The following DPP10 variants were observed in gnomAD, a reference collection of about 807,000 sequenced individuals.
The protein encoded by DPP10 is inactive dipeptidyl peptidase 10.
DPP10 carries 33 observed loss-of-function variants against 120.9 expected under a neutral mutation model. The observed-to-expected ratio is 0.27, with a 90% CI of 0.21 to 0.37. DPP10 has a LOEUF of 0.37. DPP10 is among the 10% of genes least tolerant of loss of function. The pLI is 1.00. For missense variants in DPP10, 816 were observed against 942.8 expected, an observed-to-expected ratio of 0.87 and a Z score of 1.76; for synonymous variants, 337 against 326.1, an observed-to-expected ratio of 1.03 and a Z score of -0.36.
At chr2:115,401,033 G>T (rs2068036254) in intron 3 of DPP10, among the ~76,000 whole-genome samples, 1 of 152,210 alleles carries the variant, frequency 6.6e-6, no homozygotes, top group African/African-American at 2.4e-5. Flanking sequence ...CAATGGACCA[G>T]CAAGAAAGTT....
chr2:115,596,985 C>T (rs1249528211), intron 5 of DPP10, among the ~76,000 whole-genome samples: 1 of 152,050 alleles, frequency 6.6e-6, no homozygotes, highest in Non-Finnish European at 1.5e-5. Flanking sequence ...AGAGTGGAGC[C>T]CCTTGGTGAA....
rs983640891 is a variant in DPP10 at position 114,456,861 on chromosome 2, T to A, written c.60+14023T>A. Among the ~76,000 whole-genome samples the A allele has an allele frequency of 4.6e-5, 7 of 152,332 alleles. No homozygotes were observed. In the South Asian group the frequency reaches 1.4e-3, roughly 32 times the overall value. On this transcript the variant is annotated intron_variant, in intron 1 of 25. Coordinates refer to ENST00000410059, the MANE Select transcript of DPP10 (RefSeq NM_020868.6). Reference sequence around the variant, plus strand: ...GAAGCCAGCATAAAGTGGGGAAATATAGGAACAAATATCCTATTACAGTGT... The same window carrying A: ...GAAGCCAGCATAAAGTGGGGAAATAAAGGAACAAATATCCTATTACAGTGT...
chr2:114,982,773 G>A (rs1487939468), intron 1 of DPP10, among the ~76,000 whole-genome samples: 2 of 149,788 alleles, frequency 1.3e-5, no homozygotes, highest in African/African-American at 2.5e-5. Flanking sequence ...GCTAATTTTT[G>A]CATTTTTTTT....
intron 4 of DPP10, 152 bp from the exon 5 acceptor site, chr2:115,525,746 C>T (rs1413759778): frequency 1.8e-6 from 1 of 569,826 alleles, no homozygotes; most frequent in Non-Finnish European, 3.0e-6. Context: ...TCTGAATAAT[C>T]ATACATACAT....
At chr2:115,286,902 A>G (rs1033261721) in intron 1 of DPP10, among the ~76,000 whole-genome samples, 2 of 151,978 alleles carry the variant, frequency 1.3e-5, no homozygotes, top group African/African-American at 4.8e-5. Flanking sequence ...ACTACAAAAC[A>G]GTTGTGCCAT....
chr2:115,337,905 A>T (rs957820692), intron 2 of DPP10, among the ~76,000 whole-genome samples: 5 of 151,992 alleles, frequency 3.3e-5, no homozygotes, highest in African/African-American at 7.2e-5. Context: ...GTATTGAATA[A>T]AGCCAAATAC....
intron 1 of DPP10, among the ~76,000 whole-genome samples, chr2:114,496,682 T>C (rs1359445334): frequency 6.6e-6 from 1 of 152,036 alleles, no homozygotes; most frequent in East Asian, 1.9e-4. Flanking sequence ...AACTCTGGAT[T>C]TTGGAGAGAC....
At chr2:114,872,834 C>A (rs1483147724) in intron 1 of DPP10, among the ~76,000 whole-genome samples, 2 of 152,090 alleles carry the variant, frequency 1.3e-5, no homozygotes, top group Non-Finnish European at 2.9e-5. Flanking sequence ...AGACTGCCAA[C>A]AAAAAGAAAG....
intron 7 of DPP10, among the ~76,000 whole-genome samples, chr2:115,697,009 T>C (rs913078702): frequency 6.6e-6 from 1 of 152,070 alleles, no homozygotes; most frequent in Non-Finnish European, 1.5e-5. Context: ...CTTGTATAAA[T>C]TCAAATCAGC....
intron 1 of DPP10, among the ~76,000 whole-genome samples, chr2:115,105,583 C>T (rs1316730230): frequency 1.3e-5 from 2 of 152,170 alleles, no homozygotes; most frequent in Non-Finnish European, 2.9e-5. Flanking sequence ...ACCCAGACAT[C>T]TCCCACTTGG....
At chr2:115,215,814 C>T (rs1442837982) in intron 1 of DPP10, among the ~76,000 whole-genome samples, 2 of 152,060 alleles carry the variant, frequency 1.3e-5, no homozygotes, top group Non-Finnish European at 1.5e-5. Flanking sequence ...GGGTATCTAC[C>T]CCCACAGAAC....
intron 2 of DPP10, among the ~76,000 whole-genome samples, chr2:115,326,659 G>A (rs2062383384): frequency 6.6e-6 from 1 of 151,966 alleles, no homozygotes; most frequent in Admixed American, 6.6e-5. Context: ...TGATATTGAT[G>A]ATACTGACCC....
intron 1 of DPP10, among the ~76,000 whole-genome samples, chr2:114,561,831 A>G (rs974030071): frequency 1.3e-5 from 2 of 152,248 alleles, no homozygotes; most frequent in Non-Finnish European, 2.9e-5. Flanking sequence ...GGCCTCTGAC[A>G]CAAAACATTC....
At chr2:114,986,837 C>G (rs1700426095) in intron 1 of DPP10, among the ~76,000 whole-genome samples, 1 of 152,138 alleles carries the variant, frequency 6.6e-6, no homozygotes, top group Non-Finnish European at 1.5e-5. Flanking sequence ...GTGGCGCAAT[C>G]TTGGCTCACT....
chr2:114,574,618 A>T (rs894135095), intron 1 of DPP10, among the ~76,000 whole-genome samples: 1 of 152,194 alleles, frequency 6.6e-6, no homozygotes, highest in Non-Finnish European at 1.5e-5. Flanking sequence ...TGATTTAAAG[A>T]TTTCTCAAAG....
intron 5 of DPP10, among the ~76,000 whole-genome samples, chr2:115,645,326 T>G (rs1041845333): frequency 5.9e-5 from 9 of 152,244 alleles, no homozygotes; most frequent in Admixed American, 5.9e-4. Context: ...AATTTTCAAT[T>G]TATTTAGAAG....
intron 1 of DPP10, among the ~76,000 whole-genome samples, chr2:114,512,582 C>T (rs185452320): frequency 3.9e-5 from 6 of 152,224 alleles, no homozygotes; most frequent in Admixed American, 2.0e-4. Context: ...TGCTAAATAC[C>T]GCAGGCACAG....
chr2:115,312,413 G>A (rs531491765), intron 2 of DPP10, among the ~76,000 whole-genome samples: 139 of 152,222 alleles, frequency 9.1e-4, no homozygotes, highest in African/African-American at 3.2e-3. Flanking sequence ...TAATACATAA[G>A]GCCAGAAGAC....
chr2:115,221,564 A>G (rs917866972), intron 1 of DPP10, among the ~76,000 whole-genome samples: 4 of 152,148 alleles, frequency 2.6e-5, no homozygotes, highest in African/African-American at 9.7e-5. Context: ...ATCTGGCCCT[A>G]TATAGATGGC....
Sources: allele counts gnomAD v4.1 joint callset (sites outside exome capture counted in the v4.1 genomes callset), GRCh38; gene constraint gnomAD v4.1.1; transcripts MANE v1.5; gene names NCBI Gene and HGNC (gene_info 2026-07-23, HGNC 2026-07-21).